The following OPCML variants were observed in gnomAD, a reference collection of about 807,000 sequenced individuals.
The protein encoded by OPCML is opioid binding protein/cell adhesion molecule like, also known as opioid-binding protein/cell adhesion molecule.
In OPCML, 13 loss-of-function variants were observed where a neutral mutation model predicts 37.8. The observed-to-expected ratio is 0.34, with a 90% CI of 0.22 to 0.55. The LOEUF (loss-of-function observed/expected upper bound fraction) is 0.55, where lower values mean the gene tolerates loss of function less well. Ranked by LOEUF, OPCML falls within the 20% of genes least tolerant of loss-of-function variation. The pLI is 0.91. For missense variants in OPCML, 341 were observed against 435.6 expected (o/e 0.78, Z 1.93); for synonymous variants, 176 against 168.8 (o/e 1.04, Z -0.33).
chr11:132,511,551 A>C (rs2096268887), intron 4 of OPCML, among the ~76,000 whole-genome samples: 1 of 152,136 alleles, frequency 6.6e-6, no homozygotes, highest in South Asian at 2.1e-4. Context: ...TGGTTCAGGC[A>C]TAAGAATAGA....
chr11:132,436,904 T>C, intron 5 of OPCML, 125 bp from the exon 6 acceptor site: 1 of 1,463,580 alleles, frequency 6.8e-7, no homozygotes, highest in Non-Finnish European at 9.0e-7. Context: ...GTGACAACCC[T>C]CTTTCCCAGT....
At chr11:133,055,426 G>C (rs986093827) in intron 1 of OPCML, among the ~76,000 whole-genome samples, 2 of 148,130 alleles carry the variant, frequency 1.4e-5, no homozygotes, top group African/African-American at 5.0e-5. Flanking sequence ...GTATAATGCT[G>C]CCTCTATGAT....
chr11:133,427,512 A>C (rs55715028), intron 1 of OPCML, among the ~76,000 whole-genome samples: 2,617 of 151,752 alleles, frequency 0.017, 82 homozygotes, highest in African/African-American at 0.059. Context: ...TAGAAAGAAA[A>C]ATTTAATATC....
At chr11:132,574,852 G>A (rs2096446711) in intron 3 of OPCML, among the ~76,000 whole-genome samples, 1 of 151,936 alleles carries the variant, frequency 6.6e-6, no homozygotes, top group South Asian at 2.1e-4. Flanking sequence ...CAAAAGTGGA[G>A]AATTGAAATC....
chr11:132,583,185 C>T (rs2096465760), intron 3 of OPCML, among the ~76,000 whole-genome samples: 2 of 152,062 alleles, frequency 1.3e-5, no homozygotes, highest in African/African-American at 4.8e-5. Flanking sequence ...CCTCAGCCTC[C>T]CAAGTATCTG....
At chr11:132,565,072 T>C (rs2096419290) in intron 3 of OPCML, among the ~76,000 whole-genome samples, 1 of 152,198 alleles carries the variant, frequency 6.6e-6, no homozygotes, top group African/African-American at 2.4e-5. Flanking sequence ...TGTTATTAAA[T>C]AATCTTAACG....
chr11:133,437,800 T>C (rs1173125000), intron 1 of OPCML, among the ~76,000 whole-genome samples: 4 of 151,970 alleles, frequency 2.6e-5, no homozygotes, highest in African/African-American at 9.7e-5. Context: ...AGATTAAATT[T>C]ACATCTTATT....
At position 132,749,733 on chromosome 11, in the gene OPCML, C is replaced by T. The variant is rs190158955; in HGVS notation, c.147-92414G>A. ...AGAAATCCGGTATTTAGGTATTGGACGATGAGAATTCAGCGAAATAAAAAT... is the reference window on the plus strand; with the variant it reads ...AGAAATCCGGTATTTAGGTATTGGATGATGAGAATTCAGCGAAATAAAAAT... On this transcript the variant is annotated intron_variant, in intron 2 of 7. Transcript: ENST00000524381. Among the ~76,000 whole-genome samples the T allele has an allele frequency of 2.0e-3, 300 of 152,004 alleles. 2 individuals carry two copies. Among genetic ancestry groups the T allele is most frequent in the African/African-American group, 6.6e-3 (273 of 41,436 alleles).
intron 7 of OPCML, among the ~76,000 whole-genome samples, chr11:132,423,375 C>T (rs536642974): frequency 2.0e-5 from 3 of 152,316 alleles, no homozygotes; most frequent in Non-Finnish European, 1.5e-5. Context: ...TAATCCACTA[C>T]GATACACAGT....
chr11:132,437,413 A>G (rs2096016977), intron 4 of OPCML, 54 bp from the exon 5 acceptor site: 3 of 1,597,678 alleles, frequency 1.9e-6, no homozygotes, highest in Middle Eastern at 1.7e-4. Flanking sequence ...AACCAGGGAC[A>G]GAACCATATT....
rs372484722 is a variant in OPCML, at chr11:132,505,249, G to GAA, written c.505+23810_505+23811dup. On this transcript the variant is annotated intron_variant, in intron 4 of 7. Coordinates refer to ENST00000524381, the MANE Select transcript of OPCML (RefSeq NM_001012393.5). ...GAATGAGTATTGAGAAAATACTGTG[G>GAA]AAAAAGGAAAATAAAGACTAGTCAC... 2.0e-5 allele frequency among the ~76,000 whole-genome samples: 3 copies of GAA among 151,978 alleles called. No homozygotes were observed. In the South Asian group the frequency reaches 6.2e-4, roughly 32 times the overall value.
chr11:132,944,355 C>G (rs181585365), intron 1 of OPCML, among the ~76,000 whole-genome samples: 2 of 152,308 alleles, frequency 1.3e-5, no homozygotes, highest in African/African-American at 2.4e-5. Context: ...GATGGGGCAC[C>G]GGTGTGCGTG....
rs71477762 is a variant in OPCML at position 132,415,174 on chromosome 11, GA to G, written c.*5018del. On this transcript the variant is annotated 3_prime_UTR_variant, in exon 8 of 8. Transcript: ENST00000524381. ...GGAAAAAATACGAAAGAAAATAAAA[GA>G]AAAAAAGAACTCTAGAAGGCTGACA... The G allele has an allele frequency of 0.12, 18,544 of 152,314 alleles. 1,370 individuals are homozygous for G. Among genetic ancestry groups the G allele is most frequent in the Non-Finnish European group, 0.16 (10,903 of 67,914 alleles). The allele number at this position is 152,314 out of a possible 1,614,324, so 9.4% of individuals were successfully genotyped here.
intron 1 of OPCML, among the ~76,000 whole-genome samples, chr11:133,473,058 C>T (rs576890131): frequency 1.3e-5 from 2 of 152,274 alleles, no homozygotes; most frequent in East Asian, 3.9e-4. Context: ...CTCTCCCTCT[C>T]TGTTTCATAC....
intron 2 of OPCML, among the ~76,000 whole-genome samples, chr11:132,681,703 C>A (rs1287518221): frequency 1.3e-5 from 2 of 152,148 alleles, no homozygotes; most frequent in Admixed American, 1.3e-4. Context: ...CACCTGTAAT[C>A]CCAGCACTTT....
chr11:132,839,750 G>A (rs1941207765), intron 2 of OPCML, among the ~76,000 whole-genome samples: 1 of 152,180 alleles, frequency 6.6e-6, no homozygotes, highest in East Asian at 1.9e-4. Flanking sequence ...AGGAGCAACA[G>A]ATGCAAATAT....
chr11:133,192,167 A>G (rs1165718190), intron 1 of OPCML, among the ~76,000 whole-genome samples: 1 of 152,214 alleles, frequency 6.6e-6, no homozygotes, highest in East Asian at 1.9e-4. Context: ...TCGTTTAGCA[A>G]AGCAGATGAA....
chr11:133,115,728 G>A (rs989952178), intron 1 of OPCML, among the ~76,000 whole-genome samples: 21 of 151,944 alleles, frequency 1.4e-4, no homozygotes, highest in Non-Finnish European at 4.4e-5. Flanking sequence ...TTAAGTGTAA[G>A]TTTATTTATA....
At chr11:132,830,895 A>T (rs566909233) in intron 2 of OPCML, among the ~76,000 whole-genome samples, 24 of 152,214 alleles carry the variant, frequency 1.6e-4, no homozygotes, top group Non-Finnish European at 3.1e-4. Flanking sequence ...ATTCAGCAAT[A>T]TTGAGGAAAG....
Sources: gnomAD v4.1 joint callset for allele counts (sites outside exome capture counted in the v4.1 genomes callset) on GRCh38, gnomAD v4.1.1 for gene constraint, MANE v1.5 for transcripts, NCBI Gene and HGNC (gene_info 2026-07-23, HGNC 2026-07-21) for gene names.